The following SGMS1 variants were observed in gnomAD, a reference collection of about 807,000 sequenced individuals.
SGMS1 encodes sphingomyelin synthase 1, also known as phosphatidylcholine:ceramide cholinephosphotransferase 1.
A neutral mutation model predicts 46.2 loss-of-function variants in SGMS1; 13 were observed. The observed-to-expected ratio is 0.28, with a 90% confidence interval of 0.18 to 0.45. The LOEUF is 0.45. SGMS1 is among the 20% of genes least tolerant of loss of function. SGMS1 has a pLI of 1.00. For synonymous variants in SGMS1, 203 were observed against 187.8 expected, an observed-to-expected ratio of 1.08 and a Z score of -0.66; for missense variants, 324 against 519.9, an observed-to-expected ratio of 0.62 and a Z score of 3.66.
chr10:50,560,943 T>C (rs1480314658), intron 2 of SGMS1, among the ~76,000 whole-genome samples: 1 of 152,162 alleles, frequency 6.6e-6, no homozygotes, highest in Non-Finnish European at 1.5e-5. Context: ...CTGCTGTGTG[T>C]CTTAATCTCT....
intron 2 of SGMS1, among the ~76,000 whole-genome samples, chr10:50,584,645 C>T (rs1051221280): frequency 2.6e-5 from 4 of 152,016 alleles, no homozygotes; most frequent in African/African-American, 4.8e-5. Context: ...CTTCAGAAGC[C>T]TAAGATTTCA....
chr10:50,377,477 T>C (rs901382459), intron 6 of SGMS1, among the ~76,000 whole-genome samples: 1 of 152,230 alleles, frequency 6.6e-6, no homozygotes, highest in Non-Finnish European at 1.5e-5. Flanking sequence ...ACATTCAAAC[T>C]ATAGCACTGA....
intron 2 of SGMS1, among the ~76,000 whole-genome samples, chr10:50,535,590 G>C (rs772428508): frequency 6.6e-6 from 1 of 152,074 alleles, no homozygotes; most frequent in Admixed American, 6.6e-5. Context: ...GGATGGTCTC[G>C]ATCTCTTGAC....
intron 1 of SGMS1, among the ~76,000 whole-genome samples, chr10:50,622,561 G>A (rs1207359308): frequency 6.6e-6 from 1 of 152,184 alleles, no homozygotes; most frequent in Non-Finnish European, 1.5e-5. Flanking sequence ...AATGTCAAGG[G>A]AGCTAAAATA....
chr10:50,587,833 A>T (rs2131887244), intron 2 of SGMS1, among the ~76,000 whole-genome samples: 1 of 152,192 alleles, frequency 6.6e-6, no homozygotes, highest in South Asian at 2.1e-4. Context: ...GAAGCATGAG[A>T]TTGTGTTAGT....
chr10:50,561,847 CTAA>C (rs1243178737), intron 2 of SGMS1, among the ~76,000 whole-genome samples: 1 of 152,144 alleles, frequency 6.6e-6, no homozygotes, highest in African/African-American at 2.4e-5. Context: ...TCTCTACTCA[CTAA>C]TATTTCAAGT....
At chr10:50,338,624 T>C (rs1370815428) in intron 7 of SGMS1, among the ~76,000 whole-genome samples, 1 of 152,118 alleles carries the variant, frequency 6.6e-6, no homozygotes, top group African/African-American at 2.4e-5. Flanking sequence ...AAACTATAAG[T>C]GTCATGGCTT....
intron 4 of SGMS1, among the ~76,000 whole-genome samples, chr10:50,461,852 T>G (rs1381745515): frequency 1.3e-5 from 2 of 152,190 alleles, no homozygotes; most frequent in African/African-American, 4.8e-5. Context: ...CTCCGTACCC[T>G]CCCAACTTTT....
At chr10:50,399,562 G>T (rs188698838) in intron 6 of SGMS1, among the ~76,000 whole-genome samples, 1 of 152,248 alleles carries the variant, frequency 6.6e-6, no homozygotes, top group East Asian at 1.9e-4. Context: ...GTGAGAAAAA[G>T]TGCTTAGCAG....
In SGMS1 at chr10:50,501,846, A is replaced by T. The variant is rs192851254; in HGVS notation, c.-498+17985T>A. ...TTGAAACCCTAAGAAAAATTCTTAA[A>T]TTACTTTTTAGATAATAAGACATGA... is the stretch of plus-strand genomic sequence containing the variant. On this transcript the variant is annotated intron_variant, in intron 3 of 10. Coordinates refer to ENST00000361781, the MANE Select transcript of SGMS1 (RefSeq NM_147156.4). 2.0e-5 allele frequency among the ~76,000 whole-genome samples: 3 copies of T among 152,336 alleles called. No individual in the cohort carries two copies. The East Asian group carries it at 5.8e-4, about 29-fold the overall frequency.
intron 6 of SGMS1, among the ~76,000 whole-genome samples, chr10:50,345,072 A>G (rs907695242): frequency 1.3e-5 from 2 of 151,866 alleles, no homozygotes; most frequent in Non-Finnish European, 2.9e-5. Flanking sequence ...ACATACAGCA[A>G]CTCACAGAAT....
chr10:50,347,583 A>G (rs1203061441), intron 6 of SGMS1, among the ~76,000 whole-genome samples: 1 of 152,218 alleles, frequency 6.6e-6, no homozygotes, highest in African/African-American at 2.4e-5. Context: ...CAGCAGAGTT[A>G]GGAAAACAGC....
rs949931534 is a variant in SGMS1, at chr10:50,380,466, C to A, written c.-231-36121G>T. Among the ~76,000 whole-genome samples, 14 of 151,960 alleles carry A rather than the reference C, an allele frequency of 9.2e-5. 1 individual carries two copies. Among genetic ancestry groups the A allele is most frequent in the Admixed American group, 7.2e-4 (11 of 15,254 alleles). ...CAGAAGAATACAATCATAGGGATGG[C>A]GCTACCCAGGTCTGGAGTATGTTCC... On this transcript the variant is annotated intron_variant, in intron 6 of 10. Transcript: ENST00000361781.
chr10:50,362,801 AT>A (rs1848271534), intron 6 of SGMS1, among the ~76,000 whole-genome samples: 1 of 152,100 alleles, frequency 6.6e-6, no homozygotes, highest in Admixed American at 6.5e-5. Flanking sequence ...ACAAGACATG[AT>A]TTTTTTCTTA....
chr10:50,507,744 C>T (rs754735795), intron 3 of SGMS1, among the ~76,000 whole-genome samples: 4 of 152,204 alleles, frequency 2.6e-5, no homozygotes, highest in Non-Finnish European at 4.4e-5. Context: ...AACCACTGGG[C>T]CTGCCAGGCT....
intron 2 of SGMS1, among the ~76,000 whole-genome samples, chr10:50,569,989 G>A (rs962389469): frequency 6.6e-6 from 1 of 152,124 alleles, no homozygotes; most frequent in Non-Finnish European, 1.5e-5. Context: ...TTTCAAGGCC[G>A]CCTGCTGACC....
At chr10:50,441,596 T>C (rs1849547457) in intron 5 of SGMS1, among the ~76,000 whole-genome samples, 2 of 152,330 alleles carry the variant, frequency 1.3e-5, no homozygotes, top group Non-Finnish European at 2.9e-5. Context: ...GCAGAGGAGA[T>C]CATGAATGAA....
At chr10:50,539,837 T>C (rs1355116965) in intron 2 of SGMS1, among the ~76,000 whole-genome samples, 3 of 152,190 alleles carry the variant, frequency 2.0e-5, no homozygotes, top group Admixed American at 2.0e-4. Context: ...GAAATCAACT[T>C]AATTATGAAA....
intron 2 of SGMS1, among the ~76,000 whole-genome samples, chr10:50,521,097 T>C (rs1837853565): frequency 6.6e-6 from 1 of 152,076 alleles, no homozygotes; most frequent in African/African-American, 2.4e-5. Context: ...CTCGAAATCT[T>C]GGACTCAAGT....
Sources: allele counts gnomAD v4.1 joint callset (sites outside exome capture counted in the v4.1 genomes callset), GRCh38; gene constraint gnomAD v4.1.1; transcripts MANE v1.5; gene names NCBI Gene and HGNC (gene_info 2026-07-23, HGNC 2026-07-21).